The following COL19A1 variants were observed in gnomAD, a reference collection of about 807,000 sequenced individuals.
COL19A1 encodes collagen type XIX alpha 1 chain.
A neutral mutation model predicts 190.2 loss-of-function variants in COL19A1; 159 were observed. The ratio of observed to expected loss-of-function variants is 0.84; its 90% CI spans 0.73 to 0.95. COL19A1 has a LOEUF of 0.95. Among genes scored for constraint, COL19A1 ranks in the 40% least tolerant of loss-of-function variants. The probability of loss-of-function intolerance (pLI) is 0.00; values close to 1 mark genes in which losing one functional copy is unlikely to be tolerated. For synonymous variants in COL19A1, 509 were observed against 458.9 expected, an observed-to-expected ratio of 1.11 and a Z score of -1.39; for missense variants, 1,418 against 1,431.9, an observed-to-expected ratio of 0.99 and a Z score of 0.16.
At chr6:70,090,833 C>T (rs1051917407) in intron 15 of COL19A1, among the ~76,000 whole-genome samples, 1 of 152,150 alleles carries the variant, frequency 6.6e-6, no homozygotes, top group Non-Finnish European at 1.5e-5. Flanking sequence ...CTAATCTGGC[C>T]TGCCTGCCAC....
At chr6:70,161,451 A>G (rs940665949) in intron 34 of COL19A1, among the ~76,000 whole-genome samples, 1 of 152,188 alleles carries the variant, frequency 6.6e-6, no homozygotes, top group African/African-American at 2.4e-5. Flanking sequence ...ATGGCATTTT[A>G]GCTCACCCTT....
intron 14 of COL19A1, among the ~76,000 whole-genome samples, chr6:70,046,478 ACT>A (rs1779924138): frequency 6.6e-6 from 1 of 152,052 alleles, no homozygotes; most frequent in Non-Finnish European, 1.5e-5. Flanking sequence ...TTCTGATTTT[ACT>A]CCACAACAAA....
chr6:70,075,842 A>C (rs950072229), intron 15 of COL19A1, among the ~76,000 whole-genome samples: 2 of 152,232 alleles, frequency 1.3e-5, no homozygotes, highest in South Asian at 4.1e-4. Flanking sequence ...GTAAAGCAAC[A>C]GTGAGCTGAG....
At chr6:70,075,932 A>T (rs1781857982) in intron 15 of COL19A1, among the ~76,000 whole-genome samples, 1 of 152,214 alleles carries the variant, frequency 6.6e-6, no homozygotes, top group Non-Finnish European at 1.5e-5. Context: ...TTTCTCTTTT[A>T]TATGGATTAG....
chr6:70,009,017 G>C (rs537312897), intron 11 of COL19A1, among the ~76,000 whole-genome samples: 30 of 152,066 alleles, frequency 2.0e-4, no homozygotes, highest in Admixed American at 1.6e-3. Flanking sequence ...ACTCTGATAA[G>C]AGGGATTTGT....
intron 41 of COL19A1, 68 bp from the exon 42 acceptor site, chr6:70,176,452 A>G: frequency 6.6e-7 from 1 of 1,505,690 alleles, no homozygotes; most frequent in South Asian, 1.2e-5. Context: ...TTATTATTTG[A>G]GAATTAATTT....
At chr6:70,071,683 T>A (rs1562143357) in intron 15 of COL19A1, among the ~76,000 whole-genome samples, 1 of 152,118 alleles carries the variant, frequency 6.6e-6, no homozygotes, top group Non-Finnish European at 1.5e-5. Flanking sequence ...GAATGTTGAA[T>A]ATTGATCCTA....
intron 14 of COL19A1, among the ~76,000 whole-genome samples, chr6:70,039,854 A>G (rs1191352016): frequency 6.6e-6 from 1 of 150,492 alleles, no homozygotes; most frequent in Admixed American, 6.6e-5. Context: ...CCTTGACCTC[A>G]TGGGCTTACG....
chr6:70,010,786 G>T lies in COL19A1; in HGVS notation c.1027-12841G>T, dbSNP rs1344873233. 2.4e-5 allele frequency among the ~76,000 whole-genome samples: 3 copies of T among 127,304 alleles called. No individual in the cohort carries two copies. The South Asian group carries it at 7.7e-4, about 33-fold the overall frequency. 83.5% of individuals were successfully genotyped at this position (127,304 alleles called of 152,430 possible). ...AAGGCGGCAACGAGGCTGGGGGAGG[G>T]GCGCCCGCCATTGCCCAGGCTTGCT... On this transcript the variant is annotated intron_variant, in intron 11 of 50. Coordinates refer to ENST00000620364, the MANE Select transcript of COL19A1 (RefSeq NM_001858.6).
intron 9 of COL19A1, among the ~76,000 whole-genome samples, chr6:69,948,495 A>G (rs1466042297): frequency 6.6e-6 from 1 of 151,832 alleles, no homozygotes; most frequent in Non-Finnish European, 1.5e-5. Context: ...GGTGATGTCC[A>G]CAGACTGACA....
chr6:70,055,307 T>A (rs999906072), intron 14 of COL19A1, among the ~76,000 whole-genome samples: 7 of 152,046 alleles, frequency 4.6e-5, no homozygotes, highest in Non-Finnish European at 1.0e-4. Context: ...GGCAATTTGA[T>A]ACTGTCTGTC....
chr6:70,173,865 A>G (rs1218799395), intron 41 of COL19A1, among the ~76,000 whole-genome samples: 1 of 152,140 alleles, frequency 6.6e-6, no homozygotes, highest in African/African-American at 2.4e-5. Flanking sequence ...TGCTAAAGGA[A>G]TGACTCAGTA....
In COL19A1 at chr6:70,060,225, A is replaced by T. The variant is rs572792662; in HGVS notation, c.1171-8198A>T. Among the ~76,000 whole-genome samples the T allele has an allele frequency of 1.8e-4, 27 of 152,344 alleles. No individual in the cohort carries two copies. The East Asian group carries it at 5.0e-3, about 28-fold the overall frequency. ...AGTCCAAGTTTTGAAAATAAAAATGATTATATAAAGAGCAGATGCCAGTTC... is the reference window on the plus strand; with the variant it reads ...AGTCCAAGTTTTGAAAATAAAAATGTTTATATAAAGAGCAGATGCCAGTTC... On this transcript the variant is annotated intron_variant, in intron 14 of 50. Coordinates refer to ENST00000620364, the MANE Select transcript of COL19A1 (RefSeq NM_001858.6).
intron 4 of COL19A1, among the ~76,000 whole-genome samples, chr6:69,917,466 T>C (rs1342017549): frequency 6.6e-6 from 1 of 152,214 alleles, no homozygotes; most frequent in Non-Finnish European, 1.5e-5. Context: ...GCTTCCTATA[T>C]GCAAGGTACT....
chr6:69,934,672 A>C (rs1312320872), intron 7 of COL19A1, among the ~76,000 whole-genome samples: 1 of 151,994 alleles, frequency 6.6e-6, no homozygotes. Context: ...GTTAGTTTTA[A>C]AGAATAGAAC....
chr6:70,142,951 A>G, intron 23 of COL19A1, 131 bp downstream of exon 23: 2 of 721,136 alleles, frequency 2.8e-6, no homozygotes, highest in East Asian at 5.4e-5. Context: ...TATGCCACAA[A>G]AACTGATCAT....
At chr6:69,899,814 C>T (rs1770044850) in intron 3 of COL19A1, among the ~76,000 whole-genome samples, 1 of 152,068 alleles carries the variant, frequency 6.6e-6, no homozygotes. Context: ...CATGTGTATG[C>T]ATTTCCTGTC....
intron 11 of COL19A1, among the ~76,000 whole-genome samples, chr6:69,973,138 G>A (rs1252957698): frequency 6.6e-6 from 1 of 152,154 alleles, no homozygotes; most frequent in Non-Finnish European, 1.5e-5. Context: ...TCAGTGCTGG[G>A]TATAAAAGGG....
intron 2 of COL19A1, among the ~76,000 whole-genome samples, chr6:69,884,339 CAAAA>C (rs201679191): frequency 5.1e-5 from 4 of 77,952 alleles, no homozygotes; most frequent in Non-Finnish European, 5.3e-5. Context: ...GACTTTGTCT[CAAAA>C]AAAAAAAAAA....
Sources: gnomAD v4.1 joint callset for allele counts (sites outside exome capture counted in the v4.1 genomes callset) on GRCh38, gnomAD v4.1.1 for gene constraint, MANE v1.5 for transcripts, NCBI Gene and HGNC (gene_info 2026-07-23, HGNC 2026-07-21) for gene names.